Variants in PTPN3 observed in about 807,000 individuals in gnomAD.
PTPN3 encodes the protein tyrosine-protein phosphatase non-receptor type 3.
PTPN3 carries 96 observed loss-of-function variants against 132.7 expected under a neutral mutation model. The ratio of observed to expected loss-of-function variants is 0.72; its 90% confidence interval spans 0.61 to 0.86. The LOEUF is 0.86. Ranked by LOEUF, PTPN3 falls within the 40% of genes least tolerant of loss-of-function variation. The pLI, the probability that PTPN3 is intolerant of heterozygous loss-of-function variation, is 0.00. For synonymous variants in PTPN3, 398 were observed against 429.0 expected (o/e 0.93, Z 0.89); for missense variants, 1,125 against 1,159.6 (o/e 0.97, Z 0.43).
chr9:109,465,351 C>T (rs757409462), intron 1 of PTPN3, among the ~76,000 whole-genome samples: 11 of 152,024 alleles, frequency 7.2e-5, no homozygotes, highest in South Asian at 2.1e-4. Context: ...CCGAAGCGGG[C>T]GGGTCACCTG....
chr9:109,457,470 G>T, intron 2 of PTPN3, 71 bp from the exon 3 acceptor site: 2 of 1,176,990 alleles, frequency 1.7e-6, no homozygotes, highest in Non-Finnish European at 2.5e-6. Context: ...TTTACTGTAG[G>T]CAAAAAAGAG....
the PTPN3 span, among the ~76,000 whole-genome samples, chr9:109,525,214 C>T: frequency 6.6e-6 from 1 of 151,934 alleles, no homozygotes; most frequent in Admixed American, 6.6e-5. Context: ...CCACCACACC[C>T]AGATAATTAA....
At position 109,406,519 on chromosome 9, in the gene PTPN3, T is replaced by C. The variant is rs781406036; in HGVS notation, c.1735A>G (p.Ile579Val). The change falls in exon 18 of 26, where the codon ATC (isoleucine) becomes GTC (valine). Residue 579 changes from isoleucine (I) to valine (V), a missense_variant. Coordinates refer to ENST00000374541, the MANE Select transcript of PTPN3 (RefSeq NM_002829.4). ...EHTHDQVVMFIKASRESHSRE... is the reference protein window; with the variant it reads ...EHTHDQVVMFVKASRESHSRE... ...GAGTGGGACTCCCGGCTGGCTTTGA[T>C]GAACATCACCACTTGGTCATGCGTG... 31 of 1,614,086 alleles carry C rather than the reference T, an allele frequency of 1.9e-5. No individual in the cohort carries two copies. In the African/African-American group the frequency reaches 3.9e-4, roughly 20 times the overall value.
intron 1 of PTPN3, among the ~76,000 whole-genome samples, chr9:109,476,789 G>A (rs1481045035): frequency 6.6e-6 from 1 of 152,154 alleles, no homozygotes; most frequent in East Asian, 1.9e-4. Context: ...GCAGCACAGG[G>A]CCTGGCCCGC....
At chr9:109,431,120 C>A (rs1285505081) in intron 10 of PTPN3, among the ~76,000 whole-genome samples, 2 of 152,218 alleles carry the variant, frequency 1.3e-5, no homozygotes, top group Non-Finnish European at 2.9e-5. Context: ...CAGGCCTCGA[C>A]AGGAGCCATC....
At chr9:109,526,648 G>A in the PTPN3 span, among the ~76,000 whole-genome samples, 99 of 152,028 alleles carry the variant, frequency 6.5e-4, no homozygotes, top group East Asian at 1.2e-3. Context: ...GCACTCCAGC[G>A]TAGGTGACAG....
the PTPN3 span, among the ~76,000 whole-genome samples, chr9:109,513,843 G>T: frequency 9.9e-5 from 15 of 152,114 alleles, 1 homozygote; most frequent in Non-Finnish European, 1.6e-4. Flanking sequence ...GGAAGAGTTT[G>T]AATATTATAT....
At chr9:109,469,196 T>A (rs1846247987) in intron 1 of PTPN3, among the ~76,000 whole-genome samples, 1 of 152,194 alleles carries the variant, frequency 6.6e-6, no homozygotes, top group African/African-American at 2.4e-5. Flanking sequence ...TGCCGCCGCT[T>A]TATTTCCAAA....
chr9:109,473,985 C>T (rs2132080272), intron 1 of PTPN3, among the ~76,000 whole-genome samples: 1 of 151,824 alleles, frequency 6.6e-6, no homozygotes, highest in African/African-American at 2.4e-5. Flanking sequence ...CCAAATTCCA[C>T]AGGTCTCAAC....
At chr9:109,422,971 G>A (rs1473657574) in intron 12 of PTPN3, 119 bp from the exon 13 acceptor site, 1 of 1,262,560 alleles carries the variant, frequency 7.9e-7, no homozygotes, top group East Asian at 2.3e-5. Context: ...TAATGCCAAG[G>A]TTATGGGGAG....
At chr9:109,389,418 C>A in intron 21 of PTPN3, 39 bp from the exon 22 acceptor site, 1 of 1,588,048 alleles carries the variant, frequency 6.3e-7, no homozygotes, top group Non-Finnish European at 8.6e-7. Flanking sequence ...TCTGTTGCTG[C>A]CCCAGGGTGC....
chr9:109,436,282 T>A lies in PTPN3; in HGVS notation c.675+601A>T, dbSNP rs549736752. 4.6e-5 allele frequency among the ~76,000 whole-genome samples: 7 copies of A among 152,360 alleles called. No homozygotes were observed. The South Asian group carries it at 1.4e-3, about 32-fold the overall frequency. ...CTTGTGTGCTGTGTGACCTCGGTTATGTCCCTGAGTATCAGTTTCTCCATC... is the reference window on the plus strand; with the variant it reads ...CTTGTGTGCTGTGTGACCTCGGTTAAGTCCCTGAGTATCAGTTTCTCCATC... On this transcript the variant is annotated intron_variant, in intron 9 of 25. Transcript: ENST00000374541.
chr9:109,427,660 C>A (rs114692396), intron 11 of PTPN3, among the ~76,000 whole-genome samples: 8 of 152,138 alleles, frequency 5.3e-5, no homozygotes, highest in African/African-American at 1.9e-4. Flanking sequence ...GTTAAATTGC[C>A]GTCTTATACA....
At chr9:109,477,335 C>G (rs1445481135) in intron 1 of PTPN3, among the ~76,000 whole-genome samples, 1 of 152,146 alleles carries the variant, frequency 6.6e-6, no homozygotes, top group African/African-American at 2.4e-5. Flanking sequence ...ACCTTCTTGC[C>G]CCCTAATTAA....
chr9:109,499,959 C>A (rs549721121), upstream of PTPN3, among the ~76,000 whole-genome samples: 1 of 152,202 alleles, frequency 6.6e-6, no homozygotes, highest in Admixed American at 6.5e-5. Context: ...CGGAGCCGGG[C>A]GGGGCCGGAG....
the PTPN3 span, among the ~76,000 whole-genome samples, chr9:109,504,177 A>T: frequency 1.2e-4 from 18 of 152,274 alleles, no homozygotes; most frequent in East Asian, 3.5e-3. Flanking sequence ...AGAGAATAGG[A>T]TGGGTGATAC....
chr9:109,422,769 T>TAAG lies in PTPN3; in HGVS notation c.1084_1085insCTT (p.His362delinsProTyr). The TAAG allele has an allele frequency of 6.2e-7, 1 of 1,611,214 alleles. No homozygotes were observed. The highest frequency in any genetic ancestry group is 8.5e-7 in the Non-Finnish European group (1 of 1,177,646). ...AGAAGGCAGACTCTTGGTTTCTAAG[T>TAAG]GCTCCACTGATAAGGATCTCCGCAT... On this transcript the variant is annotated protein_altering_variant, in exon 13 of 26. Coordinates refer to ENST00000374541, the MANE Select transcript of PTPN3 (RefSeq NM_002829.4).
chr9:109,524,769 G>A, the PTPN3 span, among the ~76,000 whole-genome samples: 4 of 152,060 alleles, frequency 2.6e-5, no homozygotes, highest in Non-Finnish European at 4.4e-5. Flanking sequence ...ATGGAGTCTC[G>A]CTCTGTCGCC....
At position 109,377,822 on chromosome 9, in the gene PTPN3, T is replaced by C. The variant is rs530087693; in HGVS notation, c.*1734A>G. On this transcript the variant is annotated 3_prime_UTR_variant, in exon 26 of 26. Coordinates refer to ENST00000374541, the MANE Select transcript of PTPN3 (RefSeq NM_002829.4). The stretch of plus-strand genomic sequence containing the variant: ...TATTTTACAGATAATGAAAGAGAGG[T>C]AGAGCTTCTAAGCAACCAGGCCCGC... 3.9e-5 allele frequency: 6 copies of C among 152,212 alleles called. No homozygotes were observed. The highest frequency in any genetic ancestry group is 4.1e-4 in the South Asian group (2 of 4,822). The allele number at this position is 152,212 out of a possible 1,614,324, so 9.4% of individuals were successfully genotyped here.
Sources: gnomAD v4.1 joint callset for allele counts (sites outside exome capture counted in the v4.1 genomes callset) on GRCh38, gnomAD v4.1.1 for gene constraint, MANE v1.5 for transcripts, NCBI Gene and HGNC (gene_info 2026-07-23, HGNC 2026-07-21) for gene names.